IQSEC3: variants seen among roughly 807,000 people sequenced by gnomAD.
IQSEC3 encodes the protein IQ motif and SEC7 domain-containing protein 3.
Under a neutral mutation model 105.4 loss-of-function variants are expected in IQSEC3, and 50 were observed. The observed-to-expected ratio is 0.47, with a 90% CI of 0.38 to 0.60. The LOEUF is 0.60. Ranked by LOEUF, IQSEC3 falls within the 20% of genes least tolerant of loss-of-function variation. The probability of loss-of-function intolerance (pLI) is 0.00; values close to 1 mark genes in which losing one functional copy is unlikely to be tolerated. For synonymous variants in IQSEC3, 708 were observed against 746.0 expected (o/e 0.95, Z 0.83); for missense variants, 1,415 against 1,630.0 (o/e 0.87, Z 2.27).
intron 8 of IQSEC3, among the ~76,000 whole-genome samples, chr12:162,898 G>A (rs1301802004): frequency 5.3e-5 from 8 of 152,092 alleles, no homozygotes; most frequent in African/African-American, 9.7e-5. Flanking sequence ...TCAAGGTTAC[G>A]GAGGGAAGCA....
At chr12:89,214 C>T (rs1350106141) in intron 1 of IQSEC3, among the ~76,000 whole-genome samples, 9 of 152,164 alleles carry the variant, frequency 5.9e-5, no homozygotes, top group Non-Finnish European at 1.2e-4. Context: ...TTTCTGGCCC[C>T]CTGGACTCCT....
rs782772068 is a variant in IQSEC3, at chr12:138,551, C to G, written c.1188C>G (p.Thr396=). 3 of 1,581,688 alleles carry G rather than the reference C, an allele frequency of 1.9e-6. No homozygotes were observed. Among genetic ancestry groups the G allele is most frequent in the Non-Finnish European group, 2.6e-6 (3 of 1,171,180 alleles). ...SLPPTFAGTL[T]ELEDSFTEQV... is the part of the protein sequence containing the mutation. ...CGCCCACCTTCGCAGGCACCCTCAC[C>G]GAGCTGGAGGACTCCTTCACCGAGC... The change falls in exon 4 of 14, where the codon ACC becomes ACG. Residue 396 remains threonine (T), a synonymous_variant. Transcript: ENST00000538872. This position sits in a 1 kb window ranked among gnomAD's most constrained non-coding sequence, Gnocchi z 7.1.
In IQSEC3 at chr12:139,035, G is replaced by A. The variant is rs1865902547; in HGVS notation, c.1672G>A (p.Ala558Thr). The change falls in exon 4 of 14, where the codon GCG (alanine) becomes ACG (threonine). Residue 558 changes from alanine (A) to threonine (T), a missense_variant. Physicochemically the swap from Ala to Thr is moderately conservative, Grantham distance 58. Transcript: ENST00000538872. Reference sequence around the variant, plus strand: ...AGCCGAGGACTCATGCGCAGAGGCTGCGGCTAGTGGGGCGGCGGATGGGGC... The same window carrying A: ...AGCCGAGGACTCATGCGCAGAGGCTACGGCTAGTGGGGCGGCGGATGGGGC... Reference protein sequence around the residue: ...ASAEDSCAEAAASGAADGATA... With the variant: ...ASAEDSCAEATASGAADGATA... 1.3e-6 allele frequency: 2 copies of A among 1,496,560 alleles called. No homozygotes were observed. The highest frequency in any genetic ancestry group is 1.8e-6 in the Non-Finnish European group (2 of 1,122,740). 92.7% of individuals were successfully genotyped at this position (1,496,560 alleles called of 1,614,324 possible).
At chr12:145,770 T>C (rs1190362473) in intron 5 of IQSEC3, among the ~76,000 whole-genome samples, 1 of 152,270 alleles carries the variant, frequency 6.6e-6, no homozygotes, top group Non-Finnish European at 1.5e-5. Context: ...TTGGCTCTGC[T>C]CTATTTCCTT....
At chr12:154,668 C>T (rs77602122) in intron 5 of IQSEC3, among the ~76,000 whole-genome samples, 2,613 of 152,262 alleles carry the variant, frequency 0.017, 33 homozygotes, top group African/African-American at 0.031. Context: ...CACCACAGTC[C>T]GCGGTGCACT....
intron 8 of IQSEC3, among the ~76,000 whole-genome samples, chr12:163,178 CTCCT>C (rs1866984066): frequency 7.3e-6 from 1 of 136,692 alleles, no homozygotes; most frequent in African/African-American, 2.7e-5. Context: ...CCCCTCCCCT[CTCCT>C]CCCTCCACAG....
chr12:152,342 C>T lies in IQSEC3; in HGVS notation c.2154-4683C>T, dbSNP rs549987535. 3.3e-5 allele frequency among the ~76,000 whole-genome samples: 5 copies of T among 152,206 alleles called. No individual in the cohort carries two copies. Among genetic ancestry groups the T allele is most frequent in the African/African-American group, 1.2e-4 (5 of 41,448 alleles). On this transcript the variant is annotated intron_variant, in intron 5 of 13. Transcript: ENST00000538872. This position sits in a 1 kb window ranked among gnomAD's most constrained non-coding sequence, Gnocchi z 4.8. ...CTGTGTCCACGGGCTTCTCCTTGGC[C>T]TCTCACAGGTCCCCACCAAGCCATC...
At chr12:153,712 C>A (rs1866586522) in intron 5 of IQSEC3, among the ~76,000 whole-genome samples, 1 of 152,168 alleles carries the variant, frequency 6.6e-6, no homozygotes, top group African/African-American at 2.4e-5. Flanking sequence ...TGCCTCCATC[C>A]ACCCCTCCCT....
rs1865854569 is a variant in IQSEC3 at position 138,352 on chromosome 12, A to G, written c.989A>G (p.Gln330Arg). ...ATCCAAACCGCCTTCCGCCAATACCAGCTCAGCAAGAACTTCGAGAAAATC... is the reference window on the plus strand; with the variant it reads ...ATCCAAACCGCCTTCCGCCAATACCGGCTCAGCAAGAACTTCGAGAAAATC... Reference protein sequence around the residue: ...CTIQTAFRQYQLSKNFEKIRN... With the variant: ...CTIQTAFRQYRLSKNFEKIRN... Residue 330 changes from glutamine to arginine, a missense_variant, in exon 4 of 14, where the codon CAG becomes CGG. Transcript: ENST00000538872. This position sits in a 1 kb window ranked among gnomAD's most constrained non-coding sequence, Gnocchi z 7.1. The G allele has an allele frequency of 6.2e-7, 1 of 1,613,456 alleles. No individual in the cohort carries two copies. Among genetic ancestry groups the G allele is most frequent in the Non-Finnish European group, 8.5e-7 (1 of 1,180,020 alleles).
chr12:119,453 A>C (rs1318545581), intron 2 of IQSEC3, among the ~76,000 whole-genome samples: 2 of 152,214 alleles, frequency 1.3e-5, no homozygotes, highest in Non-Finnish European at 2.9e-5. Context: ...TAGCAAAGGT[A>C]TCTGGAACCC....
chr12:132,246 T>C (rs1016358587), intron 3 of IQSEC3, among the ~76,000 whole-genome samples: 1 of 151,976 alleles, frequency 6.6e-6, no homozygotes, highest in Admixed American at 6.6e-5. Context: ...AGAACACAAA[T>C]GAGTCCCCAA....
intron 2 of IQSEC3, among the ~76,000 whole-genome samples, chr12:122,744 A>G (rs1243300879): frequency 6.6e-6 from 1 of 152,202 alleles, no homozygotes; most frequent in African/African-American, 2.4e-5. Context: ...CCCCGTTGTC[A>G]TTGGCCGAGT....
chr12:98,337 A>T (rs1555075204), intron 1 of IQSEC3, among the ~76,000 whole-genome samples: 1 of 152,214 alleles, frequency 6.6e-6, no homozygotes, highest in Non-Finnish European at 1.5e-5. Flanking sequence ...GGAGTTTATT[A>T]AAAAGTCCCG....
At position 138,154 on chromosome 12, in the gene IQSEC3, C is replaced by T. The variant is rs975042007; in HGVS notation, c.904-113C>T. On this transcript the variant is annotated intron_variant, in intron 3 of 13. Transcript: ENST00000538872. The surrounding 1 kb of genome is among the most constrained non-coding windows in gnomAD (Gnocchi z 7.1). ...GCTGCCCAGGAGCGCCCCCCCGCCC[C>T]CGTCCATTCCTGGGCCCCACCCGAG... is the stretch of plus-strand genomic sequence containing the variant. 4.4e-5 allele frequency: 43 copies of T among 967,744 alleles called. No individual in the cohort carries two copies. In the African/African-American group the frequency reaches 5.6e-4, roughly 13 times the overall value. The allele number at this position is 967,744 out of a possible 1,614,324, so 59.9% of individuals were successfully genotyped here. A position where few individuals can be genotyped will look rare whatever the true frequency, so the allele number is the denominator to read the frequency against.
At chr12:119,531 G>A (rs1555081422) in intron 2 of IQSEC3, among the ~76,000 whole-genome samples, 1 of 152,216 alleles carries the variant, frequency 6.6e-6, no homozygotes, top group African/African-American at 2.4e-5. Context: ...AAAGAAAGGA[G>A]AAAGAAAGGC....
chr12:107,803 C>A (rs782451747), intron 2 of IQSEC3, among the ~76,000 whole-genome samples: 13 of 150,646 alleles, frequency 8.6e-5, no homozygotes, highest in Non-Finnish European at 1.6e-4. Flanking sequence ...TCCCTATACA[C>A]CCGTAATTCT....
At chr12:136,484 C>G (rs1865769276) in intron 3 of IQSEC3, among the ~76,000 whole-genome samples, 1 of 152,150 alleles carries the variant, frequency 6.6e-6, no homozygotes, top group Admixed American at 6.5e-5. Context: ...TGGCTGCAGC[C>G]TTTGGGGGCT....
intron 2 of IQSEC3, among the ~76,000 whole-genome samples, chr12:107,474 A>G (rs1444821061): frequency 8.3e-5 from 12 of 144,296 alleles, no homozygotes; most frequent in African/African-American, 3.1e-4. Flanking sequence ...CAGTGGCACA[A>G]TCTCGGCTCA....
At position 102,227 on chromosome 12, in the gene IQSEC3, TGTCA is replaced by T. The variant is rs1172815763; in HGVS notation, c.623+3021_623+3024del. ...TCCCCCATCAGTCTGGCTCCTCCCC[TGTCA>T]GTCAGTCTGGTTTCCCGCTAGCTCA... is the stretch of plus-strand genomic sequence containing the variant. On this transcript the variant is annotated intron_variant, in intron 2 of 13. Transcript: ENST00000538872. 6.0e-5 allele frequency among the ~76,000 whole-genome samples: 9 copies of T among 149,594 alleles called. No individual in the cohort carries two copies. The South Asian group carries it at 1.7e-3, about 29-fold the overall frequency.
Sources: gnomAD v4.1 joint callset for allele counts (sites outside exome capture counted in the v4.1 genomes callset) on GRCh38, gnomAD v4.1.1 for gene constraint, Gnocchi (gnomAD v3.1) non-coding constraint, MANE v1.5 for transcripts, NCBI Gene and HGNC (gene_info 2026-07-23, HGNC 2026-07-21) for gene names.